The following TMEM267 variants were observed in gnomAD, a reference collection of about 807,000 sequenced individuals.
TMEM267 encodes the protein transmembrane protein C5orf28.
In TMEM267, 20 loss-of-function variants were observed where a neutral mutation model predicts 19.3. That is an observed-to-expected ratio of 1.04 (90% confidence interval 0.73 to 1.51). The LOEUF is 1.51. TMEM267 is among the 40% of genes most tolerant of loss of function. The pLI is 0.00. For synonymous variants in TMEM267, 88 were observed against 90.3 expected (o/e 0.97, Z 0.15); for missense variants, 242 against 261.9 (o/e 0.92, Z 0.52).
chr5:43,473,398 T>C (rs1561196833), intron 1 of TMEM267, among the ~76,000 whole-genome samples: 2 of 152,164 alleles, frequency 1.3e-5, no homozygotes, highest in African/African-American at 2.4e-5. Flanking sequence ...GATAAGCAAC[T>C]TCAGCAAAGT....
chr5:43,469,078 T>C (rs1579817958), intron 1 of TMEM267, among the ~76,000 whole-genome samples: 1 of 152,258 alleles, frequency 6.6e-6, no homozygotes, highest in Non-Finnish European at 1.5e-5. Context: ...AAAGCAGTAC[T>C]CAGGTAAGTT....
chr5:43,459,202 G>A (rs1309141430), intron 1 of TMEM267, among the ~76,000 whole-genome samples: 1 of 152,112 alleles, frequency 6.6e-6, no homozygotes, highest in Non-Finnish European at 1.5e-5. Context: ...ACCCATGTAT[G>A]ATTTTGGGGG....
intron 1 of TMEM267, among the ~76,000 whole-genome samples, chr5:43,464,042 A>G (rs1318468982): frequency 1.3e-5 from 2 of 152,202 alleles, no homozygotes; most frequent in Non-Finnish European, 2.9e-5. Context: ...ACATGATTGT[A>G]TATCTAGAAA....
At chr5:43,449,682 T>C (rs965179383) in intron 2 of TMEM267, among the ~76,000 whole-genome samples, 1 of 152,208 alleles carries the variant, frequency 6.6e-6, no homozygotes, top group Admixed American at 6.5e-5. Flanking sequence ...TTATGTACTA[T>C]AGTAATAAAG....
chr5:43,454,955 C>T (rs1396073751), intron 1 of TMEM267, among the ~76,000 whole-genome samples: 1 of 152,064 alleles, frequency 6.6e-6, no homozygotes. Flanking sequence ...AATCCTGAGA[C>T]TAAAGAATAA....
At chr5:43,474,486 C>T (rs1374300356) in intron 1 of TMEM267, among the ~76,000 whole-genome samples, 1 of 152,090 alleles carries the variant, frequency 6.6e-6, no homozygotes, top group Admixed American at 6.5e-5. Flanking sequence ...ATTTGCCAGG[C>T]GTGGTGCTCA....
At position 43,446,101 on chromosome 5, in the gene TMEM267, C is replaced by A; in HGVS notation, c.*121G>T. 1 of 607,486 alleles carries A rather than the reference C, an allele frequency of 1.6e-6. No homozygotes were observed. Among genetic ancestry groups the A allele is most frequent in the Admixed American group, 3.4e-5 (1 of 29,434 alleles). The allele number at this position is 607,486 out of a possible 1,614,324, so 37.6% of individuals were successfully genotyped here. On this transcript the variant is annotated 3_prime_UTR_variant, in exon 3 of 3. Transcript: ENST00000397080. The stretch of plus-strand genomic sequence containing the variant: ...ATACACTTCCTGAGCAAGAGGATTG[C>A]AGAATTATAATAACTAAATAATATA...
At chr5:43,448,004 G>A (rs1377931567) in intron 2 of TMEM267, among the ~76,000 whole-genome samples, 2 of 152,082 alleles carry the variant, frequency 1.3e-5, no homozygotes, top group Non-Finnish European at 2.9e-5. Flanking sequence ...AGTAGTAAAA[G>A]GAAGAAATGT....
Position 43,453,897 on chromosome 5 carries a change from C to CAA in TMEM267, c.71_72dup (p.Gly25LeufsTer9). ...GCTACGAGGCAAAATGCCCCCAGAC[C>CAA]AAGGCTGGAAATAAGAGATTCAGTG... On this transcript the variant is annotated frameshift_variant, in exon 2 of 3. Transcript: ENST00000397080. LOFTEE classifies it high-confidence loss of function. 6.2e-7 allele frequency: 1 copy of CAA among 1,614,032 alleles called. No homozygotes were observed. The highest frequency in any genetic ancestry group is 8.5e-7 in the Non-Finnish European group (1 of 1,179,984).
intron 2 of TMEM267, among the ~76,000 whole-genome samples, chr5:43,451,770 GTTA>G (rs976947792): frequency 2.0e-5 from 3 of 152,118 alleles, no homozygotes; most frequent in Non-Finnish European, 2.9e-5. Flanking sequence ...AGGAAAATAA[GTTA>G]TTATAAAAAA....
At position 43,475,942 on chromosome 5, in the gene TMEM267, C is replaced by A. The variant is rs369804882; in HGVS notation, c.-75+7880G>T. ...TTGTACTGTATCAACTCAGCTAACT[C>A]GGACTTAAAAACATTTCCCAGAATT... On this transcript the variant is annotated intron_variant, in intron 1 of 2. Coordinates refer to ENST00000397080, the MANE Select transcript of TMEM267 (RefSeq NM_022483.5). Among the ~76,000 whole-genome samples, 146 of 152,316 alleles carry A rather than the reference C, an allele frequency of 9.6e-4. 3 individuals are homozygous for A. In the South Asian group the frequency reaches 0.028, roughly 29 times the overall value.
intron 1 of TMEM267, among the ~76,000 whole-genome samples, chr5:43,466,010 T>C (rs1275204454): frequency 6.6e-6 from 1 of 151,506 alleles, no homozygotes; most frequent in Non-Finnish European, 1.5e-5. Context: ...ATATAGGGAA[T>C]AAACTTTTTA....
intron 1 of TMEM267, among the ~76,000 whole-genome samples, chr5:43,474,396 A>G (rs1445750876): frequency 6.6e-6 from 1 of 152,230 alleles, no homozygotes; most frequent in African/African-American, 2.4e-5. Context: ...TCTACAGAGA[A>G]ACCAATTTAC....
intron 1 of TMEM267, among the ~76,000 whole-genome samples, chr5:43,473,874 GC>G (rs1303080411): frequency 6.6e-6 from 1 of 152,124 alleles, no homozygotes. Flanking sequence ...ATACTACAAG[GC>G]TACAGTAACA....
chr5:43,472,269 A>T (rs1296156267), intron 1 of TMEM267, among the ~76,000 whole-genome samples: 1 of 152,218 alleles, frequency 6.6e-6, no homozygotes, highest in Admixed American at 6.5e-5. Flanking sequence ...AAAATGGCTT[A>T]TATCCAAAAG....
Position 43,445,475 on chromosome 5 carries a change from T to G in TMEM267, c.*747A>C, listed in dbSNP as rs1742190005. On this transcript the variant is annotated 3_prime_UTR_variant, in exon 3 of 3. Transcript: ENST00000397080. Reference sequence around the variant, plus strand: ...TGTTACTTATTATTTTCAAAACAGTTAAAACTAACACACGAGATTCTAGGC... The same window carrying G: ...TGTTACTTATTATTTTCAAAACAGTGAAAACTAACACACGAGATTCTAGGC... 1 of 152,124 alleles carries G rather than the reference T, an allele frequency of 6.6e-6. No individual in the cohort carries two copies. Among genetic ancestry groups the G allele is most frequent in the African/African-American group, 2.4e-5 (1 of 41,438 alleles). 9.4% of individuals were successfully genotyped at this position (152,124 alleles called of 1,614,324 possible).
chr5:43,446,992 T>C (rs1742280551), intron 2 of TMEM267, among the ~76,000 whole-genome samples: 1 of 152,274 alleles, frequency 6.6e-6, no homozygotes, highest in South Asian at 2.1e-4. Context: ...ATATCCATTT[T>C]ATATTAGCTA....
intron 1 of TMEM267, among the ~76,000 whole-genome samples, chr5:43,470,999 G>A (rs1432760220): frequency 8.6e-5 from 13 of 151,828 alleles, no homozygotes; most frequent in African/African-American, 3.1e-4. Context: ...ACACAAGGTT[G>A]GTTTTTTTAA....
At chr5:43,472,886 T>C (rs1561196542) in intron 1 of TMEM267, among the ~76,000 whole-genome samples, 1 of 151,512 alleles carries the variant, frequency 6.6e-6, no homozygotes, top group African/African-American at 2.4e-5. Flanking sequence ...ACACCTGTAA[T>C]CCCAGCACTT....
Sources: allele counts gnomAD v4.1 joint callset (sites outside exome capture counted in the v4.1 genomes callset), GRCh38; gene constraint gnomAD v4.1.1; transcripts MANE v1.5; gene names NCBI Gene and HGNC (gene_info 2026-07-23, HGNC 2026-07-21).